Variants in PPFIA2 observed in about 807,000 individuals in gnomAD.
PPFIA2 encodes liprin-alpha-2.
In PPFIA2, 46 loss-of-function variants were observed where a neutral mutation model predicts 175.5. The ratio of observed to expected loss-of-function variants is 0.26; its 90% confidence interval spans 0.21 to 0.34. PPFIA2 has a LOEUF of 0.34. Among genes scored for constraint, PPFIA2 ranks in the 10% least tolerant of loss-of-function variants. PPFIA2 has a pLI of 1.00. For synonymous variants in PPFIA2, 568 were observed against 511.4 expected, an observed-to-expected ratio of 1.11 and a Z score of -1.49; for missense variants, 1,179 against 1,506.1, an observed-to-expected ratio of 0.78 and a Z score of 3.60.
At chr12:81,606,143 C>A (rs1393727913) in intron 4 of PPFIA2, among the ~76,000 whole-genome samples, 2 of 151,924 alleles carry the variant, frequency 1.3e-5, no homozygotes, top group African/African-American at 4.8e-5. Context: ...CTGCAAAGGA[C>A]AAGATTAATT....
intron 7 of PPFIA2, chr12:81,430,461 A>G (rs2047893536): frequency 6.6e-6 from 1 of 151,996 alleles, no homozygotes. Context: ...AAATCATTTC[A>G]TATCAGACAT....
chr12:81,560,274 G>A (rs1296196388), intron 4 of PPFIA2, among the ~76,000 whole-genome samples: 1 of 150,656 alleles, frequency 6.6e-6, no homozygotes, highest in Non-Finnish European at 1.5e-5. Context: ...GTGTGTGTGT[G>A]AGAGAGAGAG....
At chr12:81,515,073 T>C (rs2062246534) in intron 4 of PPFIA2, among the ~76,000 whole-genome samples, 1 of 151,996 alleles carries the variant, frequency 6.6e-6, no homozygotes, top group African/African-American at 2.4e-5. Flanking sequence ...CCGTGAATTT[T>C]ATATCACTGG....
At chr12:81,488,678 G>A (rs2059108519) in intron 4 of PPFIA2, among the ~76,000 whole-genome samples, 1 of 151,710 alleles carries the variant, frequency 6.6e-6, no homozygotes. Context: ...TTAGGGCTTT[G>A]ATGTCACATC....
At chr12:81,282,948 G>A (rs2137066569) in intron 26 of PPFIA2, 62 bp downstream of exon 26, 1 of 1,439,464 alleles carries the variant, frequency 6.9e-7, no homozygotes, top group South Asian at 1.2e-5. Flanking sequence ...ACAGTTTCTT[G>A]ATTTATATTC....
At chr12:81,447,197 C>A (rs1434003120) in intron 5 of PPFIA2, among the ~76,000 whole-genome samples, 7 of 151,806 alleles carry the variant, frequency 4.6e-5, no homozygotes, top group African/African-American at 1.5e-4. Flanking sequence ...TTTCAAGGAG[C>A]CCTTTAAAAT....
rs540448196 is a variant in PPFIA2 at position 81,738,739 on chromosome 12, A to G, written c.249+15234T>C. Among the ~76,000 whole-genome samples the G allele has an allele frequency of 2.6e-5, 4 of 152,044 alleles. No individual in the cohort carries two copies. In the East Asian group the frequency reaches 7.7e-4, roughly 29 times the overall value. ...GTAAAATAGTAGACTAAATACAAATATACAAGTATTTACAGTAATTATAAA... is the reference window on the plus strand; with the variant it reads ...GTAAAATAGTAGACTAAATACAAATGTACAAGTATTTACAGTAATTATAAA... On this transcript the variant is annotated intron_variant, in intron 3 of 32. Coordinates refer to ENST00000549396, the MANE Select transcript of PPFIA2 (RefSeq NM_003625.5).
chr12:81,263,317 C>T lies in PPFIA2; in HGVS notation c.3629G>A (p.Ser1210Asn), dbSNP rs776592450. Residue 1210 changes from serine to asparagine, a missense_variant, in exon 31 of 33, where the codon AGC becomes AAC. Transcript: ENST00000549396. ...QFPPREVHGI[S>N]MMPGSSETLP... is the part of the protein sequence containing the mutation. ...TGTTTCTGAGGACCCAGGCATCATG[C>T]TGATTCCATGTACTTCACGAGGAGG... 1 of 1,612,582 alleles carries T rather than the reference C, an allele frequency of 6.2e-7. No homozygotes were observed. The highest frequency in any genetic ancestry group is 8.5e-7 in the Non-Finnish European group (1 of 1,178,716).
intron 4 of PPFIA2, among the ~76,000 whole-genome samples, chr12:81,647,489 C>A (rs369195155): frequency 6.6e-6 from 1 of 151,880 alleles, no homozygotes; most frequent in South Asian, 2.1e-4. Context: ...TGGCTGGGTG[C>A]GGTGGCTCAC....
intron 4 of PPFIA2, among the ~76,000 whole-genome samples, chr12:81,565,945 AT>A (rs2071192096): frequency 6.6e-6 from 1 of 152,196 alleles, no homozygotes; most frequent in African/African-American, 2.4e-5. Context: ...GCAGACCAGA[AT>A]TTGATGTATT....
chr12:81,553,142 AG>A (rs1420612312), intron 4 of PPFIA2, among the ~76,000 whole-genome samples: 1 of 152,036 alleles, frequency 6.6e-6, no homozygotes, highest in Non-Finnish European at 1.5e-5. Flanking sequence ...AGGCCAGAGA[AG>A]GTATCTTAGG....
intron 5 of PPFIA2, among the ~76,000 whole-genome samples, chr12:81,453,639 A>G (rs1273279262): frequency 6.6e-6 from 1 of 152,118 alleles, no homozygotes; most frequent in Non-Finnish European, 1.5e-5. Context: ...AATATCCACT[A>G]TAATTTTTTG....
intron 3 of PPFIA2, among the ~76,000 whole-genome samples, chr12:81,715,987 G>A (rs1417312729): frequency 6.6e-6 from 1 of 150,978 alleles, no homozygotes; most frequent in African/African-American, 2.4e-5. Flanking sequence ...TAAATTTTCT[G>A]TAACAAATAT....
intron 4 of PPFIA2, among the ~76,000 whole-genome samples, chr12:81,567,225 A>AT (rs1394467265): frequency 6.6e-6 from 1 of 151,868 alleles, no homozygotes; most frequent in Non-Finnish European, 1.5e-5. Context: ...TTTCTTTTGT[A>AT]TTTTTAGTAG....
intron 4 of PPFIA2, among the ~76,000 whole-genome samples, chr12:81,644,215 A>G (rs980201129): frequency 6.6e-6 from 1 of 152,038 alleles, no homozygotes; most frequent in Non-Finnish European, 1.5e-5. Context: ...TCTATACCTC[A>G]GTATGGGTAA....
intron 7 of PPFIA2, among the ~76,000 whole-genome samples, chr12:81,433,537 C>T (rs915621851): frequency 1.4e-4 from 21 of 152,158 alleles, no homozygotes; most frequent in African/African-American, 4.8e-4. Context: ...CTTTCAGAGA[C>T]TCTCAAAATT....
intron 23 of PPFIA2, chr12:81,298,136 T>C (rs1325250599): frequency 2.6e-5 from 4 of 152,182 alleles, no homozygotes; most frequent in African/African-American, 9.6e-5. Context: ...GAGCAAAAAC[T>C]GAACAAAGAA....
intron 7 of PPFIA2, among the ~76,000 whole-genome samples, chr12:81,420,088 C>T (rs1412246605): frequency 6.6e-6 from 1 of 152,140 alleles, no homozygotes; most frequent in Non-Finnish European, 1.5e-5. Flanking sequence ...AGTCTAACTG[C>T]TGCCCACTCC....
chr12:81,469,480 G>A (rs1383093541), intron 4 of PPFIA2, among the ~76,000 whole-genome samples: 1 of 152,142 alleles, frequency 6.6e-6, no homozygotes, highest in African/African-American at 2.4e-5. Context: ...GCGTGAAGGG[G>A]GCATCTAAGA....
Sources: gnomAD v4.1 joint callset for allele counts (sites outside exome capture counted in the v4.1 genomes callset) on GRCh38, gnomAD v4.1.1 for gene constraint, MANE v1.5 for transcripts, NCBI Gene and HGNC (gene_info 2026-07-23, HGNC 2026-07-21) for gene names.